Variants in MAP7D2 observed in about 807,000 individuals in gnomAD.
The protein encoded by MAP7D2 is MAP7 domain containing 2.
In MAP7D2, 33 loss-of-function variants were observed where a neutral mutation model predicts 63.5. The ratio of observed to expected loss-of-function variants is 0.52; its 90% CI spans 0.39 to 0.70. MAP7D2 has a LOEUF of 0.70. Ranked by LOEUF, MAP7D2 falls within the 30% of genes least tolerant of loss-of-function variation. The pLI is 0.00. For missense variants in MAP7D2, 626 were observed against 604.0 expected (o/e 1.04, Z -0.38); for synonymous variants, 224 against 223.7 (o/e 1.00, Z -0.01).
chrX:20,116,815 G>C lies in MAP7D2; in HGVS notation c.65C>G (p.Ser22Cys), dbSNP rs746513353. Residue 22 changes from serine (S) to cysteine (C), a missense_variant, in exon 1 of 17, where the codon TCT (serine) becomes TGT (cysteine). Ser to Cys is a moderately radical substitution (Grantham distance 112). Coordinates refer to ENST00000379643, the MANE Select transcript of MAP7D2 (RefSeq NM_001168465.2). ...CGGTTCTGCGATCTTCCCTGGGAGA[G>C]AGGTTCCCCGCGCAGTCCCCTCAGG... Reference protein sequence around the residue: ...SRPEGTARGTSLPGKIAEPGA... With the variant: ...SRPEGTARGTCLPGKIAEPGA... The C allele has an allele frequency of 8.4e-7, 1 of 1,188,385 alleles. No individual in the cohort carries two copies. Among genetic ancestry groups the C allele is most frequent in the African/African-American group, 1.8e-5 (1 of 56,406 alleles).
In MAP7D2 at chrX:20,012,950, C is replaced by G. The variant is rs1370008915; in HGVS notation, c.1885+104G>C. 4.7e-6 allele frequency: 3 copies of G among 645,153 alleles called. No individual in the cohort carries two copies. In the East Asian group the frequency reaches 1.0e-4, roughly 21 times the overall value. 53.2% of individuals were successfully genotyped at this position (645,153 alleles called of 1,213,427 possible). A position where few individuals can be genotyped will look rare whatever the true frequency, so the allele number is the denominator to read the frequency against. On this transcript the variant is annotated intron_variant, in intron 14 of 16. Transcript: ENST00000379643. ...GAAGGGAAACTGCACAGGCCCCTGC[C>G]AGCAGTCACCCTCTTGGGATCCATG...
intron 1 of MAP7D2, among the ~76,000 whole-genome samples, chrX:20,111,142 T>C (rs2066731283): frequency 9.0e-6 from 1 of 111,254 alleles, no homozygotes; most frequent in African/African-American, 3.3e-5. Context: ...CCAACTGAGC[T>C]CCCAGCAGAC....
chrX:20,072,520 G>A (rs889702374), intron 1 of MAP7D2, among the ~76,000 whole-genome samples: 1 of 111,631 alleles, frequency 9.0e-6, no homozygotes, highest in Non-Finnish European at 1.9e-5. Context: ...TGCACAGTAA[G>A]CACTCAAGAA....
At chrX:20,080,077 G>A (rs1217205137) in intron 1 of MAP7D2, among the ~76,000 whole-genome samples, 1 of 111,575 alleles carries the variant, frequency 9.0e-6, no homozygotes, top group African/African-American at 3.3e-5. Flanking sequence ...TCATCTGGGA[G>A]GCAGGAATTA....
At chrX:20,085,438 T>C (rs1043544293) in intron 1 of MAP7D2, among the ~76,000 whole-genome samples, 4 of 112,265 alleles carry the variant, frequency 3.6e-5, no homozygotes, top group Non-Finnish European at 5.6e-5. Flanking sequence ...CAGTAAAATG[T>C]AGGTTGCCTT....
intron 1 of MAP7D2, among the ~76,000 whole-genome samples, chrX:20,073,599 G>A (rs1490944637): frequency 9.9e-6 from 1 of 101,239 alleles, no homozygotes; most frequent in Non-Finnish European, 2.0e-5. Flanking sequence ...GCACAATCTT[G>A]GCTTACTGCA....
At chrX:20,108,432 G>A (rs1234348901) in intron 1 of MAP7D2, among the ~76,000 whole-genome samples, 3 of 108,556 alleles carry the variant, frequency 2.8e-5, no homozygotes, top group African/African-American at 1.0e-4. Context: ...GCGGGGTTTC[G>A]CCATATTGCC....
At chrX:20,064,886 C>T (rs1438796753) in intron 1 of MAP7D2, 81 bp from the exon 2 acceptor site, 1 of 837,138 alleles carries the variant, frequency 1.2e-6, no homozygotes, top group African/African-American at 2.0e-5. Flanking sequence ...CTGGGCATGG[C>T]ACCCGAGTCT....
intron 8 of MAP7D2, among the ~76,000 whole-genome samples, chrX:20,029,849 T>TA (rs1303291431): frequency 1.8e-5 from 2 of 110,495 alleles, no homozygotes; most frequent in African/African-American, 3.3e-5. Flanking sequence ...AAGTTCCCAA[T>TA]GTTATCTACA....
At chrX:20,101,021 CAA>C (rs567374019) in intron 1 of MAP7D2, among the ~76,000 whole-genome samples, 5 of 44,644 alleles carry the variant, frequency 1.1e-4, no homozygotes, top group Admixed American at 5.7e-4. Flanking sequence ...AACTCCGTCT[CAA>C]AAAAAAAAAA....
intron 4 of MAP7D2, among the ~76,000 whole-genome samples, chrX:20,053,275 CCCA>C (rs1423240734): frequency 1.8e-5 from 2 of 112,293 alleles, no homozygotes; most frequent in East Asian, 2.8e-4. Flanking sequence ...CCGTGTTAAT[CCCA>C]CCAACAAATC....
intron 6 of MAP7D2, among the ~76,000 whole-genome samples, chrX:20,046,876 C>A (rs1484666997): frequency 8.9e-6 from 1 of 112,378 alleles, no homozygotes; most frequent in Non-Finnish European, 1.9e-5. Flanking sequence ...ACAACATAAT[C>A]CAACACCTGG....
chrX:20,012,627 C>A, intron 14 of MAP7D2, 92 bp from the exon 15 acceptor site: 1 of 723,910 alleles, frequency 1.4e-6, no homozygotes, highest in South Asian at 3.2e-5. Flanking sequence ...ATTTAATGCT[C>A]TGCTTCACTG....
chrX:20,106,853 C>T (rs1326933686), intron 1 of MAP7D2, among the ~76,000 whole-genome samples: 1 of 110,929 alleles, frequency 9.0e-6, no homozygotes, highest in Non-Finnish European at 1.9e-5. Context: ...CATGGTGGCA[C>T]TCACCTGTGG....
At chrX:20,114,363 C>A (rs1807942550) in intron 1 of MAP7D2, among the ~76,000 whole-genome samples, 2 of 112,555 alleles carry the variant, frequency 1.8e-5, no homozygotes, top group South Asian at 7.3e-4. Context: ...TGCACTCCAG[C>A]ATGGACAACA....
chrX:20,018,651 C>T (rs917823501), intron 10 of MAP7D2, among the ~76,000 whole-genome samples: 4 of 110,015 alleles, frequency 3.6e-5, no homozygotes, highest in African/African-American at 1.3e-4. Flanking sequence ...CCATGTTGGC[C>T]AGGCTGGTCT....
intron 1 of MAP7D2, among the ~76,000 whole-genome samples, chrX:20,110,221 T>A (rs2066702110): frequency 9.4e-6 from 1 of 106,472 alleles, no homozygotes; most frequent in Non-Finnish European, 1.9e-5. Context: ...GGCACGGTGG[T>A]TCACGCCTGT....
rs1354009713 is a variant in MAP7D2 at position 20,025,759 on chromosome X, G to A, written c.1201C>T (p.Leu401=). The change falls in exon 9 of 17, where the codon CTA becomes TTA. Residue 401 remains leucine (L), a synonymous_variant. Coordinates refer to ENST00000379643, the MANE Select transcript of MAP7D2 (RefSeq NM_001168465.2). ...TGCTTGTCCACTACATGCTTCTCTAGGGCTTCCTCTCCTTGCGGGCCAGCA... is the reference window on the plus strand; with the variant it reads ...TGCTTGTCCACTACATGCTTCTCTAAGGCTTCCTCTCCTTGCGGGCCAGCA... ...QAAGPQGEEA[L]EKHVVDKHAS... is the part of the protein sequence containing the mutation. 2 of 1,211,687 alleles carry A rather than the reference G, an allele frequency of 1.7e-6. No individual in the cohort carries two copies. The highest frequency in any genetic ancestry group is 3.0e-5 in the East Asian group (1 of 33,831).
chrX:20,089,159 G>GGT (rs1442748987), intron 1 of MAP7D2, among the ~76,000 whole-genome samples: 12 of 111,737 alleles, frequency 1.1e-4, no homozygotes, highest in Non-Finnish European at 1.9e-5. Context: ...TATGATGCAA[G>GGT]GTATCAATCA....
Sources: gnomAD v4.1 joint callset for allele counts (sites outside exome capture counted in the v4.1 genomes callset) on GRCh38, gnomAD v4.1.1 for gene constraint, MANE v1.5 for transcripts, NCBI Gene and HGNC (gene_info 2026-07-23, HGNC 2026-07-21) for gene names.